Variants in GALNT13 observed in about 807,000 individuals in gnomAD.
GALNT13 encodes the protein UDP-GalNAc:polypeptide N-acetylgalactosaminyltransferase 13.
GALNT13 carries 28 observed loss-of-function variants against 64.2 expected under a neutral mutation model. The observed-to-expected ratio is 0.44, with a 90% CI of 0.32 to 0.60. GALNT13 has a LOEUF of 0.60. Ranked by LOEUF, GALNT13 falls within the 20% of genes least tolerant of loss-of-function variation. The pLI is 0.05. For synonymous variants in GALNT13, 214 were observed against 224.6 expected (o/e 0.95, Z 0.42); for missense variants, 577 against 669.8 (o/e 0.86, Z 1.53).
intron 4 of GALNT13, among the ~76,000 whole-genome samples, chr2:154,205,858 A>G (rs1437760466): frequency 6.6e-6 from 1 of 152,128 alleles, no homozygotes. Flanking sequence ...AATAGGTCCA[A>G]ACTTTAGTAT....
chr2:153,800,560 C>G, the GALNT13 span, among the ~76,000 whole-genome samples: 2 of 152,146 alleles, frequency 1.3e-5, no homozygotes. Flanking sequence ...TTCTTTCAAA[C>G]TTGGTATCAA....
At chr2:153,443,919 CA>C in the GALNT13 span, among the ~76,000 whole-genome samples, 8 of 146,110 alleles carry the variant, frequency 5.5e-5, no homozygotes, top group Admixed American at 6.8e-5. Flanking sequence ...AACTCCATTT[CA>C]AAAAAAAAAG....
the GALNT13 span, among the ~76,000 whole-genome samples, chr2:153,630,231 G>A: frequency 2.0e-5 from 3 of 151,820 alleles, no homozygotes; most frequent in East Asian, 1.9e-4. Flanking sequence ...CACAATAGCA[G>A]AGACTTGGAA....
chr2:153,657,205 A>G, the GALNT13 span, among the ~76,000 whole-genome samples: 47 of 152,260 alleles, frequency 3.1e-4, no homozygotes, highest in South Asian at 9.3e-3. Context: ...AAGGAAAGAC[A>G]GGTTTTTGAT....
At chr2:153,614,649 G>A in the GALNT13 span, among the ~76,000 whole-genome samples, 4 of 151,944 alleles carry the variant, frequency 2.6e-5, no homozygotes, top group Non-Finnish European at 5.9e-5. Flanking sequence ...TAATGATATT[G>A]CTATCTTCTC....
intron 9 of GALNT13, among the ~76,000 whole-genome samples, chr2:154,386,734 A>G (rs1698531634): frequency 6.6e-6 from 1 of 152,128 alleles, no homozygotes; most frequent in East Asian, 1.9e-4. Context: ...GTCTCAATGG[A>G]TATCAAATTG....
At chr2:153,838,048 A>C in the GALNT13 span, among the ~76,000 whole-genome samples, 1 of 151,998 alleles carries the variant, frequency 6.6e-6, no homozygotes, top group Non-Finnish European at 1.5e-5. Flanking sequence ...CATGTTGGAC[A>C]TTTGTATATC....
chr2:153,097,202 T>G, the GALNT13 span, among the ~76,000 whole-genome samples: 1 of 152,182 alleles, frequency 6.6e-6, no homozygotes, highest in African/African-American at 2.4e-5. Flanking sequence ...TGTTTCTATT[T>G]ATATTTTATT....
At chr2:153,692,453 A>G in the GALNT13 span, among the ~76,000 whole-genome samples, 1 of 152,248 alleles carries the variant, frequency 6.6e-6, no homozygotes, top group Non-Finnish European at 1.5e-5. Context: ...CCTTTTGGTC[A>G]GTAGAGAAGA....
chr2:153,182,717 G>C, the GALNT13 span, among the ~76,000 whole-genome samples: 1 of 152,132 alleles, frequency 6.6e-6, no homozygotes, highest in South Asian at 2.1e-4. Flanking sequence ...GAGGTGTTTG[G>C]TTTTTTGTTC....
intron 9 of GALNT13, among the ~76,000 whole-genome samples, chr2:154,365,939 A>G (rs948631075): frequency 1.3e-5 from 2 of 152,194 alleles, no homozygotes; most frequent in African/African-American, 4.8e-5. Context: ...ACCTCTGGCC[A>G]TTAGTGTGAA....
At chr2:154,247,730 T>A (rs1470574828) in intron 7 of GALNT13, among the ~76,000 whole-genome samples, 1 of 152,118 alleles carries the variant, frequency 6.6e-6, no homozygotes, top group Non-Finnish European at 1.5e-5. Flanking sequence ...ATTGCAGTAA[T>A]ATGAGATCTG....
the GALNT13 span, among the ~76,000 whole-genome samples, chr2:153,141,355 C>G: frequency 8.5e-5 from 13 of 152,094 alleles, no homozygotes; most frequent in African/African-American, 3.1e-4. Flanking sequence ...GGAACCTCTG[C>G]CCTATGAATG....
chr2:153,164,017 C>CAA, the GALNT13 span, among the ~76,000 whole-genome samples: 26 of 102,684 alleles, frequency 2.5e-4, 1 homozygote, highest in African/African-American at 7.2e-4. Flanking sequence ...GGCTCCGTCT[C>CAA]AAAAAAAAAA....
intron 3 of GALNT13, among the ~76,000 whole-genome samples, chr2:153,993,031 A>G (rs1695263989): frequency 6.6e-6 from 1 of 152,196 alleles, no homozygotes. Flanking sequence ...GGAAGCATTT[A>G]TTTGATTAGG....
At chr2:153,314,042 T>C in the GALNT13 span, among the ~76,000 whole-genome samples, 6 of 152,156 alleles carry the variant, frequency 3.9e-5, no homozygotes, top group Admixed American at 2.6e-4. Flanking sequence ...TAAGAAAATA[T>C]GAGAACAATG....
chr2:153,312,215 T>C, the GALNT13 span, among the ~76,000 whole-genome samples: 15,011 of 152,202 alleles, frequency 0.099, 847 homozygotes, highest in Middle Eastern at 0.18. Flanking sequence ...ACAGTCCTGA[T>C]GGATTTGTCC....
At chr2:153,779,028 C>A in the GALNT13 span, among the ~76,000 whole-genome samples, 1 of 152,188 alleles carries the variant, frequency 6.6e-6, no homozygotes, top group Non-Finnish European at 1.5e-5. Flanking sequence ...TCAGCTTCCT[C>A]AGCTGAAATT....
At chr2:153,533,019 A>G in the GALNT13 span, among the ~76,000 whole-genome samples, 1,940 of 152,308 alleles carry the variant, frequency 0.013, 42 homozygotes, top group African/African-American at 0.044. Flanking sequence ...CATGTAATAT[A>G]TATGAATTTA....
Sources: gnomAD v4.1 joint callset for allele counts (sites outside exome capture counted in the v4.1 genomes callset) on GRCh38, gnomAD v4.1.1 for gene constraint, MANE v1.5 for transcripts, NCBI Gene and HGNC (gene_info 2026-07-23, HGNC 2026-07-21) for gene names.